Variants in IGSF10 observed in about 807,000 individuals in gnomAD.
IGSF10 encodes the protein calvaria mechanical force protein 608.
A neutral mutation model predicts 128.2 loss-of-function variants in IGSF10; 126 were observed. The observed-to-expected ratio is 0.98, with a 90% CI of 0.85 to 1.14. IGSF10 has a LOEUF of 1.14. Among genes scored for constraint, IGSF10 ranks in the 50% most tolerant of loss-of-function variants. IGSF10 has a pLI of 0.00. For synonymous variants in IGSF10, 1,185 were observed against 1,146.2 expected (o/e 1.03, Z -0.68); for missense variants, 3,295 against 3,149.8 (o/e 1.05, Z -1.10).
the IGSF10 span, among the ~76,000 whole-genome samples, chr3:151,527,034 A>G: frequency 6.6e-6 from 1 of 152,246 alleles, no homozygotes; most frequent in Non-Finnish European, 1.5e-5. Context: ...AACCCTGTAC[A>G]GATCTGGTCT....
chr3:151,523,254 T>G, the IGSF10 span, among the ~76,000 whole-genome samples: 3 of 152,120 alleles, frequency 2.0e-5, no homozygotes, highest in Non-Finnish European at 4.4e-5. Flanking sequence ...AAGCAACTCA[T>G]AGGTTCAATG....
chr3:151,495,012 G>A, the IGSF10 span, among the ~76,000 whole-genome samples: 1 of 152,092 alleles, frequency 6.6e-6, no homozygotes, highest in Non-Finnish European at 1.5e-5. Context: ...GTATATGCAA[G>A]GTAAGGATGA....
At chr3:151,518,191 C>T in the IGSF10 span, among the ~76,000 whole-genome samples, 2 of 151,934 alleles carry the variant, frequency 1.3e-5, no homozygotes, top group Admixed American at 1.3e-4. Context: ...AACTCTTGTG[C>T]CAATCACTGA....
chr3:151,597,467 A>G, the IGSF10 span, among the ~76,000 whole-genome samples: 3 of 152,356 alleles, frequency 2.0e-5, no homozygotes, highest in Admixed American at 1.3e-4. Context: ...TCCCTGGCAT[A>G]AGGCCTGGTT....
At chr3:151,558,018 A>ATT in the IGSF10 span, among the ~76,000 whole-genome samples, 1 of 15,220 alleles carries the variant, frequency 6.6e-5, no homozygotes, top group Non-Finnish European at 1.1e-4. Context: ...ATATATATAT[A>ATT]ATATATATAT....
chr3:151,566,152 G>T, the IGSF10 span, among the ~76,000 whole-genome samples: 7 of 151,922 alleles, frequency 4.6e-5, no homozygotes, highest in African/African-American at 1.7e-4. Flanking sequence ...AAGCAAATTT[G>T]GATTAGAATG....
At chr3:151,501,547 G>C in the IGSF10 span, among the ~76,000 whole-genome samples, 76 of 152,142 alleles carry the variant, frequency 5.0e-4, 1 homozygote, top group South Asian at 5.0e-3. Context: ...CTAAGTGTTA[G>C]AGTATTTCTC....
the IGSF10 span, among the ~76,000 whole-genome samples, chr3:151,527,446 T>C: frequency 6.6e-6 from 1 of 152,174 alleles, no homozygotes; most frequent in African/African-American, 2.4e-5. Flanking sequence ...ATAGCAGTGA[T>C]AAGGCAGATA....
chr3:151,558,006 A>ATATATATATAAAATATATAT, the IGSF10 span, among the ~76,000 whole-genome samples: 1 of 26,670 alleles, frequency 3.7e-5, no homozygotes, highest in Non-Finnish European at 6.9e-5. Context: ...AGTATATATA[A>ATATATATATAAAATATATAT]TATATATATA....
At chr3:151,455,495 C>A (rs1414415464) in intron 4 of IGSF10, among the ~76,000 whole-genome samples, 2 of 152,108 alleles carry the variant, frequency 1.3e-5, no homozygotes, top group African/African-American at 2.4e-5. Context: ...TCCTCTTAGC[C>A]CTTCACAACC....
At chr3:151,609,655 G>A in the IGSF10 span, among the ~76,000 whole-genome samples, 8 of 152,188 alleles carry the variant, frequency 5.3e-5, no homozygotes, top group South Asian at 1.5e-3. Context: ...AATACTGTGC[G>A]GCAATAAAGA....
Position 151,437,712 on chromosome 3 carries a change from G to T in IGSF10, c.6849C>A (p.Ala2283=). The T allele has an allele frequency of 1.9e-6, 3 of 1,614,098 alleles. No homozygotes were observed. The highest frequency in any genetic ancestry group is 2.5e-6 in the Non-Finnish European group (3 of 1,180,022). Residue 2283 remains alanine, a synonymous_variant, in exon 8 of 8, where the codon GCC becomes GCA. Coordinates refer to ENST00000282466, the MANE Select transcript of IGSF10 (RefSeq NM_178822.5). ...WIMPDNIFLT[A]PYYGSRITVH... ...CTGTGATTCTGCTTCCATAGTATGG[G>T]GCTGTGAGGAAAATATTGTCTGGCA...
chr3:151,565,098 T>G, the IGSF10 span, among the ~76,000 whole-genome samples: 1 of 152,154 alleles, frequency 6.6e-6, no homozygotes, highest in Non-Finnish European at 1.5e-5. Flanking sequence ...TGCTATACTT[T>G]CTCTCTAAAA....
chr3:151,583,546 G>A, the IGSF10 span, among the ~76,000 whole-genome samples: 2 of 152,142 alleles, frequency 1.3e-5, no homozygotes, highest in Non-Finnish European at 2.9e-5. Context: ...TGGGCACAGG[G>A]TGGGGAACAT....
rs941400753 is a variant in IGSF10, at chr3:151,443,716, G to A, written c.5231C>T (p.Pro1744Leu). The change falls in exon 7 of 8, where the codon CCT (proline) becomes CTT (leucine). Residue 1744 changes from proline (P) to leucine (L), a missense_variant. Coordinates refer to ENST00000282466, the MANE Select transcript of IGSF10 (RefSeq NM_178822.5). ...LHVTLSVVSYPPRILERRTKE... is the reference protein window; with the variant it reads ...LHVTLSVVSYLPRILERRTKE... The stretch of plus-strand genomic sequence containing the variant: ...GGTACGTCTCTCCAGGATCCTGGGA[G>A]GATAGGAAACCACAGACAAGGTGAC... 5 of 1,614,166 alleles carry A rather than the reference G, an allele frequency of 3.1e-6. No individual in the cohort carries two copies. Among genetic ancestry groups the A allele is most frequent in the Non-Finnish European group, 4.2e-6 (5 of 1,180,032 alleles).
chr3:151,445,252 G>A lies in IGSF10; in HGVS notation c.4729C>T (p.His1577Tyr). 1 of 1,614,160 alleles carries A rather than the reference G, an allele frequency of 6.2e-7. No individual in the cohort carries two copies. Among genetic ancestry groups the A allele is most frequent in the Non-Finnish European group, 8.5e-7 (1 of 1,180,022 alleles). Residue 1577 changes from histidine to tyrosine, a missense_variant, in exon 6 of 8, where the codon CAC becomes TAC. Transcript: ENST00000282466. ...TCAGCAATTTCTGAGTATGGTTTGTGCCAAAATTGGTTTTCTGCCCAGGGA... is the reference window on the plus strand; with the variant it reads ...TCAGCAATTTCTGAGTATGGTTTGTACCAAAATTGGTTTTCTGCCCAGGGA... ...PSPWAENQFWHKPYSEIAEKG... is the reference protein window; with the variant it reads ...PSPWAENQFWYKPYSEIAEKG...
At chr3:151,435,081 T>TG (rs1719976322), downstream of IGSF10, 2 of 145,228 alleles carry the variant, frequency 1.4e-5, no homozygotes, top group Non-Finnish European at 3.0e-5. Flanking sequence ...TTTTTTTTTT[T>TG]TCTTTTCTTG....
the IGSF10 span, among the ~76,000 whole-genome samples, chr3:151,540,707 T>G: frequency 3.3e-5 from 5 of 152,204 alleles, no homozygotes; most frequent in Admixed American, 6.5e-5. Context: ...TTTGTGGATG[T>G]TAGCAGTTTT....
intron 7 of IGSF10, among the ~76,000 whole-genome samples, chr3:151,439,110 TC>T (rs1305237872): frequency 6.6e-6 from 1 of 152,092 alleles, no homozygotes; most frequent in Non-Finnish European, 1.5e-5. Context: ...TTAAAAAAAA[TC>T]TTAATGAAGA....
Sources: allele counts gnomAD v4.1 joint callset (sites outside exome capture counted in the v4.1 genomes callset), GRCh38; gene constraint gnomAD v4.1.1; transcripts MANE v1.5; gene names NCBI Gene and HGNC (gene_info 2026-07-23, HGNC 2026-07-21).